SYNPR: variants seen among roughly 807,000 people sequenced by gnomAD.
The protein encoded by SYNPR is synaptoporin.
A neutral mutation model predicts 32.9 loss-of-function variants in SYNPR; 23 were observed. The ratio of observed to expected loss-of-function variants is 0.70; its 90% confidence interval spans 0.50 to 0.99. The LOEUF (loss-of-function observed/expected upper bound fraction) is 0.99, where lower values mean the gene tolerates loss of function less well. Among genes scored for constraint, SYNPR ranks in the 50% least tolerant of loss-of-function variants. The pLI is 0.00. For synonymous variants in SYNPR, 146 were observed against 135.9 expected, an observed-to-expected ratio of 1.07 and a Z score of -0.52; for missense variants, 318 against 349.3, an observed-to-expected ratio of 0.91 and a Z score of 0.71.
intron 2 of SYNPR, among the ~76,000 whole-genome samples, chr3:63,299,278 T>G (rs2086819983): frequency 6.6e-6 from 1 of 150,920 alleles, no homozygotes; most frequent in Non-Finnish European, 1.5e-5. Flanking sequence ...TAGAGAAGAG[T>G]TTTTTTTAGC....
At chr3:63,427,431 A>G (rs6768504) in intron 2 of SYNPR, 111,199 of 152,064 alleles carry the variant, frequency 0.73, 41,678 homozygotes, top group East Asian at 0.96. Flanking sequence ...AGAGAGACTG[A>G]CCTTGGGAAG....
At chr3:63,611,399 A>G (rs1700194537) in intron 5 of SYNPR, among the ~76,000 whole-genome samples, 1 of 152,216 alleles carries the variant, frequency 6.6e-6, no homozygotes, top group African/African-American at 2.4e-5. Flanking sequence ...TCAGATTTCT[A>G]TTACCAAAAG....
At chr3:63,304,376 G>A (rs1425187839) in intron 2 of SYNPR, among the ~76,000 whole-genome samples, 9 of 151,738 alleles carry the variant, frequency 5.9e-5, no homozygotes, top group Non-Finnish European at 1.3e-4. Context: ...GTGTGTGTGT[G>A]TGTGTGTAAG....
intron 2 of SYNPR, among the ~76,000 whole-genome samples, chr3:63,353,634 G>A (rs929693820): frequency 1.3e-5 from 2 of 152,140 alleles, no homozygotes; most frequent in Non-Finnish European, 2.9e-5. Flanking sequence ...TGATGATTCC[G>A]ATCCTCCTCT....
At chr3:63,288,683 A>G (rs979195714) in intron 2 of SYNPR, among the ~76,000 whole-genome samples, 1 of 152,222 alleles carries the variant, frequency 6.6e-6, no homozygotes, top group Non-Finnish European at 1.5e-5. Context: ...TTTTATTCAC[A>G]TATTTGTTGG....
At chr3:63,304,963 T>C (rs1293708547) in intron 2 of SYNPR, among the ~76,000 whole-genome samples, 1 of 151,978 alleles carries the variant, frequency 6.6e-6, no homozygotes, top group Non-Finnish European at 1.5e-5. Context: ...GAGAAAGTTA[T>C]ATTCTGTCGG....
chr3:63,202,310 A>G, the SYNPR span, among the ~76,000 whole-genome samples: 1 of 152,204 alleles, frequency 6.6e-6, no homozygotes, highest in African/African-American at 2.4e-5. Flanking sequence ...ACATTTGAAT[A>G]TGCCATGTTT....
At chr3:63,316,634 G>C (rs1575596157) in intron 2 of SYNPR, among the ~76,000 whole-genome samples, 1 of 151,704 alleles carries the variant, frequency 6.6e-6, no homozygotes, top group Admixed American at 6.6e-5. Flanking sequence ...TTCTTTTCCT[G>C]GTTAATTTTG....
In SYNPR at chr3:63,342,700, T is replaced by A. The variant is rs539469811; in HGVS notation, c.84+63958T>A. 6.6e-5 allele frequency among the ~76,000 whole-genome samples: 10 copies of A among 152,342 alleles called. No homozygotes were observed. In the South Asian group the frequency reaches 1.2e-3, roughly 19 times the overall value. On this transcript the variant is annotated intron_variant, in intron 2 of 5. Coordinates refer to ENST00000478300, the MANE Select transcript of SYNPR (RefSeq NM_001130003.2). ...ATTATGTAAAATTGATGGTAATTAT[T>A]TTTTAAATGTTTGGTAGAATTTCTG...
chr3:63,602,122 T>C (rs1223753495), intron 4 of SYNPR, among the ~76,000 whole-genome samples: 1 of 152,228 alleles, frequency 6.6e-6, no homozygotes, highest in Non-Finnish European at 1.5e-5. Context: ...TTTCATATGC[T>C]TCTTGGCCAT....
rs114440163 is a variant in SYNPR, at chr3:63,569,348, C to T, written c.408+12607C>T. On this transcript the variant is annotated intron_variant, in intron 4 of 5. Coordinates refer to ENST00000478300, the MANE Select transcript of SYNPR (RefSeq NM_001130003.2). ...AATTTTTTCCACATTAAATACATCC[C>T]TAACCTGTGACCTCTTATCTGAGTG... Among the ~76,000 whole-genome samples, 780 of 152,196 alleles carry T rather than the reference C, an allele frequency of 5.1e-3. 4 individuals are homozygous for T. The highest frequency in any genetic ancestry group is 0.017 in the African/African-American group (724 of 41,536).
At chr3:63,381,160 T>C (rs2087963468) in intron 2 of SYNPR, among the ~76,000 whole-genome samples, 1 of 152,194 alleles carries the variant, frequency 6.6e-6, no homozygotes, top group Admixed American at 6.5e-5. Context: ...AACCCCATTG[T>C]CTCAGCCCAA....
At chr3:63,584,599 TTG>T (rs1703150119) in intron 4 of SYNPR, among the ~76,000 whole-genome samples, 1 of 151,972 alleles carries the variant, frequency 6.6e-6, no homozygotes, top group African/African-American at 2.4e-5. Context: ...AGGATTTACG[TTG>T]GGTGCTAAGT....
At chr3:63,398,744 T>TTTC (rs2088251713) in intron 2 of SYNPR, among the ~76,000 whole-genome samples, 5 of 151,770 alleles carry the variant, frequency 3.3e-5, no homozygotes, top group Admixed American at 3.3e-4. Flanking sequence ...AAAAGTGTAC[T>TTTC]TTCAGAGGAA....
At chr3:63,570,413 C>T (rs889410814) in intron 4 of SYNPR, among the ~76,000 whole-genome samples, 3 of 152,188 alleles carry the variant, frequency 2.0e-5, no homozygotes, top group East Asian at 1.9e-4. Context: ...CCCTCCTAAG[C>T]GTTCACATGC....
At chr3:63,248,874 C>T (rs2086310688) in intron 1 of SYNPR, among the ~76,000 whole-genome samples, 1 of 152,086 alleles carries the variant, frequency 6.6e-6, no homozygotes, top group Non-Finnish European at 1.5e-5. Flanking sequence ...ATTAGCTCTG[C>T]ATTTGCAGTG....
At chr3:63,211,013 T>G in the SYNPR span, among the ~76,000 whole-genome samples, 1 of 152,188 alleles carries the variant, frequency 6.6e-6, no homozygotes, top group Non-Finnish European at 1.5e-5. Flanking sequence ...TTCTCCAGAT[T>G]CTGCTAATCT....
At chr3:63,516,836 T>C (rs1342311277) in intron 3 of SYNPR, among the ~76,000 whole-genome samples, 1 of 152,282 alleles carries the variant, frequency 6.6e-6, no homozygotes, top group South Asian at 2.1e-4. Context: ...GGAAGCAACT[T>C]TTCTCTTGCT....
At chr3:63,466,228 CCTCT>C (rs60415902) in intron 2 of SYNPR, among the ~76,000 whole-genome samples, 4 of 148,134 alleles carry the variant, frequency 2.7e-5, no homozygotes, top group African/African-American at 9.8e-5. Flanking sequence ...TCTAGACGTT[CCTCT>C]CTCTCTCTCT....
Sources: allele counts gnomAD v4.1 joint callset (sites outside exome capture counted in the v4.1 genomes callset), GRCh38; gene constraint gnomAD v4.1.1; transcripts MANE v1.5; gene names NCBI Gene and HGNC (gene_info 2026-07-23, HGNC 2026-07-21).